ABI1: variants seen among roughly 807,000 people sequenced by gnomAD.
ABI1 encodes Abelson interactor 1.
In ABI1, 14 loss-of-function variants were observed where a neutral mutation model predicts 54.6. The observed-to-expected ratio is 0.26, with a 90% CI of 0.17 to 0.40. ABI1 has a LOEUF of 0.40. Among genes scored for constraint, ABI1 ranks in the 10% least tolerant of loss-of-function variants. The probability of loss-of-function intolerance (pLI) is 1.00; values close to 1 mark genes in which losing one functional copy is unlikely to be tolerated. For synonymous variants in ABI1, 194 were observed against 209.3 expected (o/e 0.93, Z 0.63); for missense variants, 443 against 598.3 (o/e 0.74, Z 2.71).
intron 2 of ABI1, among the ~76,000 whole-genome samples, chr10:26,789,655 T>C (rs769625917): frequency 6.6e-6 from 1 of 152,196 alleles, no homozygotes. Flanking sequence ...GGGGTACATA[T>C]GTAAGATGTG....
intron 2 of ABI1, among the ~76,000 whole-genome samples, chr10:26,786,472 G>A (rs546111113): frequency 7.9e-5 from 12 of 151,926 alleles, no homozygotes; most frequent in East Asian, 1.9e-4. Flanking sequence ...TGCCCGCCTC[G>A]GCCTCCTAAA....
At chr10:26,839,702 A>G (rs1187315583) in intron 1 of ABI1, 2 of 695,596 alleles carry the variant, frequency 2.9e-6, no homozygotes, top group South Asian at 1.5e-5. Context: ...TGTAATCCCA[A>G]TGCGTTGGGA....
chr10:26,784,982 C>G (rs79812702), intron 2 of ABI1, among the ~76,000 whole-genome samples: 2,358 of 152,270 alleles, frequency 0.015, 52 homozygotes, highest in African/African-American at 0.054. Flanking sequence ...TAGGTAGACC[C>G]TAAAGGTTTA....
At chr10:26,783,412 T>C (rs1842376489) in intron 2 of ABI1, among the ~76,000 whole-genome samples, 1 of 152,220 alleles carries the variant, frequency 6.6e-6, no homozygotes, top group East Asian at 1.9e-4. Context: ...ACCACTGAAC[T>C]GCACACTTAA....
intron 2 of ABI1, among the ~76,000 whole-genome samples, chr10:26,786,415 A>C (rs905890724): frequency 1.3e-5 from 2 of 151,848 alleles, no homozygotes; most frequent in African/African-American, 4.8e-5. Flanking sequence ...GGGCTTCACC[A>C]TGTTGGCCAG....
In ABI1 at chr10:26,860,389, G is replaced by A. The variant is rs1239994092; in HGVS notation, c.117+358C>T. Among the ~76,000 whole-genome samples, 1 of 152,128 alleles carries A rather than the reference G, an allele frequency of 6.6e-6. No homozygotes were observed. The highest frequency in any genetic ancestry group is 6.5e-5 in the Admixed American group (1 of 15,278). On this transcript the variant is annotated intron_variant, in intron 1 of 10. Transcript: ENST00000376140. The surrounding 1 kb of genome is among the most constrained non-coding windows in gnomAD (Gnocchi z 4.1). Reference sequence around the variant, plus strand: ...AGCTCGGGGGTATTCCGGGACTCCAGCCCTGCGGACTGGAGGCTACCTGGG... The same window carrying A: ...AGCTCGGGGGTATTCCGGGACTCCAACCCTGCGGACTGGAGGCTACCTGGG...
intron 2 of ABI1, among the ~76,000 whole-genome samples, chr10:26,809,381 G>A: frequency 6.6e-6 from 1 of 150,974 alleles, no homozygotes; most frequent in Non-Finnish European, 1.5e-5. Context: ...AACATAGTGA[G>A]ACCCCATCTC....
At position 26,747,771 on chromosome 10, in the gene ABI1, T is replaced by A. The variant is rs1254499543; in HGVS notation, c.*799A>T. On this transcript the variant is annotated 3_prime_UTR_variant, in exon 11 of 11. Coordinates refer to ENST00000376140, the MANE Select transcript of ABI1 (RefSeq NM_001012750.3). ...GGGACAGATTAAGATAAGGCTAAAA[T>A]TTTTTTCCAAGTTAACATATTGAGA... 1 of 195,804 alleles carries A rather than the reference T, an allele frequency of 5.1e-6. No homozygotes were observed. Among genetic ancestry groups the A allele is most frequent in the Non-Finnish European group, 1.1e-5 (1 of 94,680 alleles). The allele number at this position is 195,804 out of a possible 1,614,324, so 12.1% of individuals were successfully genotyped here.
At chr10:26,858,695 A>T (rs2051055419) in intron 1 of ABI1, among the ~76,000 whole-genome samples, 1 of 152,124 alleles carries the variant, frequency 6.6e-6, no homozygotes, top group Admixed American at 6.6e-5. Context: ...AAGTTACATG[A>T]TTGTAGCAAG....
intron 2 of ABI1, among the ~76,000 whole-genome samples, chr10:26,816,717 C>G (rs1554824271): frequency 6.6e-6 from 1 of 151,808 alleles, no homozygotes; most frequent in Non-Finnish European, 1.5e-5. Flanking sequence ...TTTCATTTCT[C>G]TATTCATTTA....
At chr10:26,773,635 C>A (rs1841023099) in intron 3 of ABI1, among the ~76,000 whole-genome samples, 1 of 152,058 alleles carries the variant, frequency 6.6e-6, no homozygotes, top group African/African-American at 2.4e-5. Flanking sequence ...AATCAGAAAG[C>A]CATTAGGCTG....
At chr10:26,832,605 T>TA (rs776589630) in intron 1 of ABI1, among the ~76,000 whole-genome samples, 1 of 151,708 alleles carries the variant, frequency 6.6e-6, no homozygotes, top group East Asian at 1.9e-4. Context: ...TAAAATAAAA[T>TA]AAATAAATAA....
chr10:26,815,126 T>TA (rs1406437553), intron 2 of ABI1, among the ~76,000 whole-genome samples: 2 of 152,322 alleles, frequency 1.3e-5, no homozygotes, highest in South Asian at 2.1e-4. Flanking sequence ...TGCATTTACT[T>TA]AAACAATGTT....
chr10:26,852,474 T>C (rs1159137467), intron 1 of ABI1, among the ~76,000 whole-genome samples: 1 of 152,088 alleles, frequency 6.6e-6, no homozygotes, highest in Non-Finnish European at 1.5e-5. Flanking sequence ...AACGAAACTC[T>C]GTCTCAAAAA....
intron 6 of ABI1, among the ~76,000 whole-genome samples, chr10:26,768,256 AT>A (rs1305104003): frequency 6.6e-6 from 1 of 151,836 alleles, no homozygotes; most frequent in African/African-American, 2.4e-5. Context: ...ATTTTAAAAC[AT>A]TCTTAGGGCT....
At chr10:26,833,420 G>A (rs1462964765) in intron 1 of ABI1, among the ~76,000 whole-genome samples, 3 of 152,036 alleles carry the variant, frequency 2.0e-5, no homozygotes, top group Admixed American at 6.6e-5. Context: ...AGACAATGAC[G>A]CTTTCCCCAA....
intron 1 of ABI1, among the ~76,000 whole-genome samples, chr10:26,859,610 C>T (rs560868332): frequency 6.6e-6 from 1 of 152,326 alleles, no homozygotes; most frequent in East Asian, 1.9e-4. Context: ...AACTACCACA[C>T]ACAATTCACT....
intron 7 of ABI1, among the ~76,000 whole-genome samples, chr10:26,764,302 G>A (rs568337515): frequency 1.9e-3 from 289 of 152,038 alleles, no homozygotes; most frequent in African/African-American, 6.5e-3. Context: ...AAATCAAGGG[G>A]CTAATTCAAT....
chr10:26,842,875 C>T (rs372438861), intron 1 of ABI1, among the ~76,000 whole-genome samples: 1 of 151,908 alleles, frequency 6.6e-6, no homozygotes, highest in East Asian at 1.9e-4. Flanking sequence ...GAAACCTCAC[C>T]TCTACTAAAA....
Sources: gnomAD v4.1 joint callset for allele counts (sites outside exome capture counted in the v4.1 genomes callset) on GRCh38, gnomAD v4.1.1 for gene constraint, Gnocchi (gnomAD v3.1) non-coding constraint, MANE v1.5 for transcripts, NCBI Gene and HGNC (gene_info 2026-07-23, HGNC 2026-07-21) for gene names.